Variants in FGD6 observed in about 807,000 individuals in gnomAD.
The protein encoded by FGD6 is FYVE, RhoGEF and PH domain-containing protein 6.
A neutral mutation model predicts 149.4 loss-of-function variants in FGD6; 90 were observed. The observed-to-expected ratio is 0.60, with a 90% CI of 0.51 to 0.72. The LOEUF is 0.72. FGD6 is among the 30% of genes least tolerant of loss of function. FGD6 has a pLI of 0.00. For missense variants in FGD6, 1,437 were observed against 1,684.8 expected (o/e 0.85, Z 2.57); for synonymous variants, 527 against 584.0 (o/e 0.90, Z 1.41).
rs1347631436 is a variant in FGD6 at position 95,100,794 on chromosome 12, C to A, written c.3497+4213G>T. Reference sequence around the variant, plus strand: ...ATAGTGATGAGCGAACAGAAAAATGCCCTTTTCCCAACATTGATGGTAAGG... The same window carrying A: ...ATAGTGATGAGCGAACAGAAAAATGACCTTTTCCCAACATTGATGGTAAGG... On this transcript the variant is annotated intron_variant, in intron 14 of 20. Coordinates refer to ENST00000343958, the MANE Select transcript of FGD6 (RefSeq NM_018351.4). The A allele has an allele frequency of 2.0e-5, 9 of 442,248 alleles. No individual in the cohort carries two copies. The East Asian group carries it at 3.5e-4, about 17-fold the overall frequency. The allele number at this position is 442,248 out of a possible 1,614,324, so 27.4% of individuals were successfully genotyped here. A position where few individuals can be genotyped will look rare whatever the true frequency, so the allele number is the denominator to read the frequency against.
chr12:95,138,077 G>A lies in FGD6; in HGVS notation c.2838-399C>T, dbSNP rs145155044. ...CTCTACCAAAAATACAAAATTAGTCGGGCATGGTGGTGCATGCCTGTAATC... is the reference window on the plus strand; with the variant it reads ...CTCTACCAAAAATACAAAATTAGTCAGGCATGGTGGTGCATGCCTGTAATC... On this transcript the variant is annotated intron_variant, in intron 6 of 20. Transcript: ENST00000343958. Among the ~76,000 whole-genome samples, 578 of 151,886 alleles carry A rather than the reference G, an allele frequency of 3.8e-3. 1 individual carries two copies. The highest frequency in any genetic ancestry group is 6.2e-3 in the Non-Finnish European group (419 of 67,962).
intron 5 of FGD6, among the ~76,000 whole-genome samples, chr12:95,149,250 CATATATATTATATATTATATT>C (rs1338097671): frequency 0.022 from 255 of 11,518 alleles, 89 homozygotes; most frequent in African/African-American, 0.076. Flanking sequence ...TAATATATAG[CATATATATTATATATTATATT>C]ACATATAGCA....
intron 15 of FGD6, among the ~76,000 whole-genome samples, chr12:95,093,745 A>G (rs1878145094): frequency 6.6e-6 from 1 of 151,578 alleles, no homozygotes; most frequent in South Asian, 2.1e-4. Flanking sequence ...GCTACTTGGG[A>G]GGCTGAGGCA....
intron 2 of FGD6, among the ~76,000 whole-genome samples, chr12:95,179,797 C>T (rs1328248803): frequency 6.6e-5 from 10 of 151,970 alleles, no homozygotes. Context: ...AATTACTAAA[C>T]AGTTATTTAA....
At chr12:95,095,752 G>C (rs141032270) in intron 14 of FGD6, among the ~76,000 whole-genome samples, 15,095 of 152,116 alleles carry the variant, frequency 0.099, 1,009 homozygotes, top group Non-Finnish European at 0.15. Flanking sequence ...GGTGGCTCAC[G>C]CCTGTAATCC....
chr12:95,209,154 C>G lies in FGD6; in HGVS notation c.2130G>C (p.Gln710His), dbSNP rs1462393001. The change falls in exon 2 of 21, where the codon CAG (glutamine) becomes CAC (histidine). Residue 710 changes from glutamine to histidine, a missense_variant. Gln to His is a conservative substitution (Grantham distance 24). Around this residue, in one of 2 missense-constraint regions of FGD6, gnomAD observed 1,055 missense variants for 1,146.0 expected, o/e 0.92. Coordinates refer to ENST00000343958, the MANE Select transcript of FGD6 (RefSeq NM_018351.4). ...SQKKRKKSRG[Q>H]TSAANGLRAE... Reference sequence around the variant, plus strand: ...CTCTCAGACCATTAGCTGCACTGGTCTGGCCCCGAGACTTCTTCCTCTTCT... The same window carrying G: ...CTCTCAGACCATTAGCTGCACTGGTGTGGCCCCGAGACTTCTTCCTCTTCT... 6.2e-7 allele frequency: 1 copy of G among 1,614,046 alleles called. No individual in the cohort carries two copies. Among genetic ancestry groups the G allele is most frequent in the Non-Finnish European group, 8.5e-7 (1 of 1,180,034 alleles).
chr12:95,141,333 T>G (rs1405590648), intron 6 of FGD6, 55 bp downstream of exon 6: 2 of 1,583,780 alleles, frequency 1.3e-6, no homozygotes, highest in Non-Finnish European at 1.7e-6. Context: ...GGGGCCCTTA[T>G]GGCTTCATCT....
chr12:95,162,340 T>G (rs11107916), intron 3 of FGD6, among the ~76,000 whole-genome samples: 2 of 151,866 alleles, frequency 1.3e-5, no homozygotes, highest in Non-Finnish European at 2.9e-5. Flanking sequence ...CTGGCCAACA[T>G]GGTGTAACCC....
intron 8 of FGD6, chr12:95,126,109 A>C: frequency 4.7e-6 from 5 of 1,058,204 alleles, no homozygotes; most frequent in Non-Finnish European, 7.4e-6. Flanking sequence ...AAGGCAAAGA[A>C]AATGAGGGAC....
Position 95,113,231 on chromosome 12 carries a change from C to CTTT in FGD6, c.3133+417_3133+419dup, listed in dbSNP as rs11343496. 8.2e-4 allele frequency among the ~76,000 whole-genome samples: 90 copies of CTTT among 109,630 alleles called. 1 individual carries two copies. The highest frequency in any genetic ancestry group is 2.7e-3 in the African/African-American group (77 of 29,006). The allele number at this position is 109,630 out of a possible 152,430, so 71.9% of individuals were successfully genotyped here. A position where few individuals can be genotyped will look rare whatever the true frequency, so the allele number is the denominator to read the frequency against. ...TGGAGTTTCCAGGAAGGCCTCAAGT[C>CTTT]TTTTTTTTTTTTTTTTTTTGAGAAG... On this transcript the variant is annotated intron_variant, in intron 9 of 20. Coordinates refer to ENST00000343958, the MANE Select transcript of FGD6 (RefSeq NM_018351.4).
chr12:95,204,323 T>C (rs1044765579), intron 2 of FGD6, among the ~76,000 whole-genome samples: 2 of 152,136 alleles, frequency 1.3e-5, no homozygotes, highest in Non-Finnish European at 2.9e-5. Flanking sequence ...TACACCCTCA[T>C]CCAGTCTCCT....
At chr12:95,149,330 A>AATATATTATATAATATACAGC (rs1880212249) in intron 5 of FGD6, among the ~76,000 whole-genome samples, 1 of 90,556 alleles carries the variant, frequency 1.1e-5, no homozygotes, top group African/African-American at 4.4e-5. Context: ...TATATTATAT[A>AATATATTATATAATATACAGC]ATATATTATA....
In FGD6 at chr12:95,107,568, A is replaced by G. The variant is rs772030494; in HGVS notation, c.3328T>C (p.Phe1110Leu). The change falls in exon 12 of 21, where the codon TTC becomes CTC. Residue 1110 changes from phenylalanine to leucine, a missense_variant. Phe to Leu is a conservative substitution (Grantham distance 22). Transcript: ENST00000343958. ...SRKVMQPRMFFLFNDALLYTT... is the reference protein window; with the variant it reads ...SRKVMQPRMFLLFNDALLYTT... ...AACTACACAAGTCCTCTTACCAGGAAAAACATTCGAGGTTGCATCACTTTC... is the reference window on the plus strand; with the variant it reads ...AACTACACAAGTCCTCTTACCAGGAGAAACATTCGAGGTTGCATCACTTTC... 1.2e-6 allele frequency: 2 copies of G among 1,614,100 alleles called. No homozygotes were observed. Among genetic ancestry groups the G allele is most frequent in the East Asian group, 4.5e-5 (2 of 44,880 alleles).
At chr12:95,195,500 A>T (rs1881713387) in intron 2 of FGD6, among the ~76,000 whole-genome samples, 1 of 151,922 alleles carries the variant, frequency 6.6e-6, no homozygotes, top group Non-Finnish European at 1.5e-5. Flanking sequence ...CCTGTAGACT[A>T]AAAACTGAAA....
rs1307160276 is a variant in FGD6 at position 95,215,773 on chromosome 12, C to CA, written c.16+1451dup. On this transcript the variant is annotated intron_variant, in intron 1 of 20. Transcript: ENST00000343958. The stretch of plus-strand genomic sequence containing the variant: ...TTGGGTTTACATAAATGTGAAATTA[C>CA]ATGCTTCTGTGCCTGTTCCTTATAA... Among the ~76,000 whole-genome samples, 7 of 152,314 alleles carry CA rather than the reference C, an allele frequency of 4.6e-5. No homozygotes were observed. In the South Asian group the frequency reaches 1.4e-3, roughly 32 times the overall value.
At chr12:95,166,707 A>AAAAT (rs1347076880) in intron 3 of FGD6, among the ~76,000 whole-genome samples, 20 of 152,204 alleles carry the variant, frequency 1.3e-4, no homozygotes, top group Middle Eastern at 3.4e-3. Context: ...CATCTCAAAA[A>AAAAT]AAATAAATAA....
At position 95,092,725 on chromosome 12, in the gene FGD6, G is replaced by A. The variant is rs1274109662; in HGVS notation, c.3721C>T (p.Arg1241Ter). Residue 1241 changes from arginine (R) to a stop codon, truncating the protein, a stop_gained, in exon 16 of 21, where the codon CGA (arginine) becomes TGA (stop). Coordinates refer to ENST00000343958, the MANE Select transcript of FGD6 (RefSeq NM_018351.4). LOFTEE classifies it high-confidence loss of function. ...TTTCCACAGGCCCGGCAGTGGTGTC[G>A]TCTCCAGGTGAGAGTGAATTCGCTT... ...CTSEFTLTWR[R>*]HHCRACGKIV... The A allele has an allele frequency of 2.5e-6, 4 of 1,614,034 alleles. No homozygotes were observed. Among genetic ancestry groups the A allele is most frequent in the African/African-American group, 1.3e-5 (1 of 75,020 alleles).
intron 3 of FGD6, among the ~76,000 whole-genome samples, chr12:95,165,456 C>A (rs1479932530): frequency 6.6e-6 from 1 of 151,784 alleles, no homozygotes; most frequent in Non-Finnish European, 1.5e-5. Context: ...ACCTCAGCCT[C>A]CTGAGTAGCT....
intron 2 of FGD6, among the ~76,000 whole-genome samples, chr12:95,206,810 G>C (rs541653407): frequency 4.6e-5 from 7 of 152,226 alleles, no homozygotes; most frequent in African/African-American, 1.7e-4. Flanking sequence ...CTGGCTGTGA[G>C]AAAAATTAGA....
Sources: gnomAD v4.1 joint callset for allele counts (sites outside exome capture counted in the v4.1 genomes callset) on GRCh38, gnomAD v4.1.1 for gene constraint, gnomAD v4.1.1 regional missense constraint, MANE v1.5 for transcripts, NCBI Gene and HGNC (gene_info 2026-07-23, HGNC 2026-07-21) for gene names.